The following EDA variants were observed in gnomAD, a reference collection of about 807,000 sequenced individuals.
EDA encodes ectodysplasin A, also known as ectodysplasin-A.
EDA carries 2 observed loss-of-function variants against 23.6 expected under a neutral mutation model. The observed-to-expected ratio is 0.08, with a 90% confidence interval of 0.03 to 0.27. The LOEUF (loss-of-function observed/expected upper bound fraction) is 0.27. Ranked by LOEUF, EDA falls within the 10% of genes least tolerant of loss-of-function variation. The pLI is 1.00. For synonymous variants in EDA, 131 were observed against 132.0 expected (o/e 0.99, Z 0.05); for missense variants, 229 against 324.2 (o/e 0.71, Z 2.26).
At chrX:69,826,365 T>C (rs2016435061) in intron 1 of EDA, among the ~76,000 whole-genome samples, 2 of 109,557 alleles carry the variant, frequency 1.8e-5, no homozygotes, top group Non-Finnish European at 3.8e-5. Context: ...AGGACTTGCT[T>C]TATGAATCTG....
chrX:70,014,439 A>G (rs748777701), intron 2 of EDA, among the ~76,000 whole-genome samples: 2 of 112,719 alleles, frequency 1.8e-5, no homozygotes, highest in Non-Finnish European at 3.7e-5. Context: ...ACTGACCATA[A>G]CTGAAATTAT....
intron 2 of EDA, among the ~76,000 whole-genome samples, chrX:69,958,193 GCTAC>G (rs1017726465): frequency 8.9e-5 from 10 of 112,185 alleles, no homozygotes; most frequent in African/African-American, 3.2e-4. Flanking sequence ...TTGACATAAT[GCTAC>G]CCCTTTGGGC....
At position 69,650,915 on chromosome X, in the gene EDA, C is replaced by G. The variant is rs1411295953; in HGVS notation, c.396+34211C>G. ...AAAAGCCTATGTGAAAGTCTTGAAG[C>G]AAGGAAGAGCGTGGGATGTTGGAGG... On this transcript the variant is annotated intron_variant, in intron 1 of 7. Transcript: ENST00000374552. Among the ~76,000 whole-genome samples the G allele has an allele frequency of 3.6e-5, 4 of 110,607 alleles. No individual in the cohort carries two copies. The East Asian group carries it at 1.1e-3, about 32-fold the overall frequency.
At chrX:69,920,376 T>C (rs1377360123) in intron 1 of EDA, among the ~76,000 whole-genome samples, 2 of 110,914 alleles carry the variant, frequency 1.8e-5, no homozygotes, top group Non-Finnish European at 3.8e-5. Context: ...TTAATTAAAA[T>C]TCATACTTTA....
At chrX:69,999,871 C>A (rs1483632364) in intron 2 of EDA, among the ~76,000 whole-genome samples, 1 of 110,940 alleles carries the variant, frequency 9.0e-6, no homozygotes, top group East Asian at 2.8e-4. Context: ...TCAAACCATG[C>A]AATATATTTA....
chrX:69,805,625 A>G (rs780423815), intron 1 of EDA, among the ~76,000 whole-genome samples: 1 of 111,533 alleles, frequency 9.0e-6, no homozygotes, highest in Non-Finnish European at 1.9e-5. Flanking sequence ...GGTAGAGTCA[A>G]ATTTACTGCA....
At chrX:69,664,666 TTG>T (rs35371760) in intron 1 of EDA, among the ~76,000 whole-genome samples, 22 of 103,934 alleles carry the variant, frequency 2.1e-4, no homozygotes, top group Non-Finnish European at 3.5e-4. Context: ...TAATATTTCA[TTG>T]TGTGTGTGTG....
chrX:69,693,434 T>C (rs1053019344), intron 1 of EDA, among the ~76,000 whole-genome samples: 4 of 111,637 alleles, frequency 3.6e-5, no homozygotes, highest in African/African-American at 6.5e-5. Context: ...GCTATATATA[T>C]ACTATCGTTA....
At chrX:69,917,707 G>A (rs1174257488) in intron 1 of EDA, among the ~76,000 whole-genome samples, 2 of 110,676 alleles carry the variant, frequency 1.8e-5, no homozygotes, top group Admixed American at 9.6e-5. Flanking sequence ...TATGCTAATC[G>A]CCTCTTCATT....
intron 1 of EDA, among the ~76,000 whole-genome samples, chrX:69,651,368 C>A (rs1159270844): frequency 9.1e-6 from 1 of 110,097 alleles, no homozygotes; most frequent in Admixed American, 9.8e-5. Flanking sequence ...TGGCATTGGA[C>A]TAATGTGGTA....
chrX:69,915,590 C>T (rs1310493122), intron 1 of EDA, among the ~76,000 whole-genome samples: 20 of 36,380 alleles, frequency 5.5e-4, no homozygotes, highest in African/African-American at 1.3e-3. Context: ...GCAACAAGAG[C>T]GAAAAAAAAA....
intron 1 of EDA, among the ~76,000 whole-genome samples, chrX:69,794,434 T>G (rs2015493335): frequency 8.9e-6 from 1 of 112,128 alleles, no homozygotes; most frequent in Admixed American, 9.4e-5. Context: ...GAAGTTCCAG[T>G]GTACCCTTCA....
At chrX:69,701,574 G>A in intron 1 of EDA, among the ~76,000 whole-genome samples, 1 of 111,704 alleles carries the variant, frequency 9.0e-6, no homozygotes, top group Non-Finnish European at 1.9e-5. Flanking sequence ...AGAAGGTCTT[G>A]TTGTAGGATT....
intron 1 of EDA, among the ~76,000 whole-genome samples, chrX:69,648,137 G>T (rs1354529685): frequency 8.9e-6 from 1 of 111,926 alleles, no homozygotes. Flanking sequence ...AGGAGCTAGA[G>T]ACCCCCATTG....
Position 69,857,196 on chromosome X carries a change from A to G in EDA, c.397-99831A>G, listed in dbSNP as rs1569356804. Among the ~76,000 whole-genome samples, 5 of 111,525 alleles carry G rather than the reference A, an allele frequency of 4.5e-5. No individual in the cohort carries two copies. In the South Asian group the frequency reaches 1.9e-3, roughly 41 times the overall value. On this transcript the variant is annotated intron_variant, in intron 1 of 7. Transcript: ENST00000374552. ...CAGTTGGCTGTAAGTATTTGGCTTT[A>G]TTTCTGAGTTCTCTATTCTGTTCCA...
intron 6 of EDA, among the ~76,000 whole-genome samples, chrX:70,032,198 G>A (rs1311956002): frequency 9.1e-6 from 1 of 109,463 alleles, no homozygotes; most frequent in Non-Finnish European, 1.9e-5. Flanking sequence ...GGTGGAGGTT[G>A]CAGTGAGCCA....
intron 1 of EDA, among the ~76,000 whole-genome samples, chrX:69,835,038 G>A (rs187005422): frequency 0.15 from 14,632 of 99,521 alleles, 910 homozygotes; most frequent in Non-Finnish European, 0.21. Flanking sequence ...GTTAAATATC[G>A]GACCCCACTC....
At chrX:69,743,717 G>A (rs2013530935) in intron 1 of EDA, among the ~76,000 whole-genome samples, 1 of 111,904 alleles carries the variant, frequency 8.9e-6, no homozygotes, top group Non-Finnish European at 1.9e-5. Context: ...CTGCCCACAT[G>A]AACTCTTAGG....
intron 1 of EDA, among the ~76,000 whole-genome samples, chrX:69,664,629 C>G (rs1933616924): frequency 9.1e-6 from 1 of 109,969 alleles, no homozygotes; most frequent in African/African-American, 3.3e-5. Flanking sequence ...TGGCAAATGG[C>G]AAGATCTCAT....
Sources: allele counts gnomAD v4.1 joint callset (sites outside exome capture counted in the v4.1 genomes callset), GRCh38; gene constraint gnomAD v4.1.1; transcripts MANE v1.5; gene names NCBI Gene and HGNC (gene_info 2026-07-23, HGNC 2026-07-21).